JAM2: variants seen among roughly 807,000 people sequenced by gnomAD.
The protein encoded by JAM2 is junctional adhesion molecule B.
In JAM2, 17 loss-of-function variants were observed where a neutral mutation model predicts 42.0. The observed-to-expected ratio is 0.40, with a 90% CI of 0.28 to 0.61. The LOEUF (loss-of-function observed/expected upper bound fraction) is 0.61. JAM2 is among the 20% of genes least tolerant of loss of function. JAM2 has a pLI of 0.37. For synonymous variants in JAM2, 118 were observed against 128.6 expected (o/e 0.92, Z 0.56); for missense variants, 319 against 358.3 (o/e 0.89, Z 0.89).
chr21:25,680,829 AAGG>A (rs10581891), intron 1 of JAM2, among the ~76,000 whole-genome samples: 79,313 of 151,572 alleles, frequency 0.52, 20,885 homozygotes, highest in African/African-American at 0.59. Context: ...TGGGCAGAAC[AAGG>A]AGGAGGAAGA....
At chr21:25,654,880 A>G (rs1388240631) in intron 1 of JAM2, among the ~76,000 whole-genome samples, 1 of 152,162 alleles carries the variant, frequency 6.6e-6, no homozygotes, top group Non-Finnish European at 1.5e-5. Context: ...GCAACAAGTC[A>G]GTGGCATGAA....
At chr21:25,683,721 A>T (rs1369309753) in intron 1 of JAM2, among the ~76,000 whole-genome samples, 162 bp from the exon 2 acceptor site, 1 of 152,130 alleles carries the variant, frequency 6.6e-6, no homozygotes, top group Non-Finnish European at 1.5e-5. Flanking sequence ...GTATAGTTTC[A>T]TTTGCTTTTT....
intron 1 of JAM2, among the ~76,000 whole-genome samples, chr21:25,669,265 G>A (rs1443337143): frequency 2.0e-5 from 3 of 152,020 alleles, no homozygotes; most frequent in South Asian, 2.1e-4. Flanking sequence ...CCAGCTACTC[G>A]GAAGGCTGAG....
intron 3 of JAM2, among the ~76,000 whole-genome samples, chr21:25,693,296 CG>C (rs1415105974): frequency 6.7e-6 from 1 of 149,784 alleles, no homozygotes; most frequent in African/African-American, 2.5e-5. Context: ...TTCTCTCTGT[CG>C]CCCAGGTTGG....
At chr21:25,654,550 A>G (rs1202647183) in intron 1 of JAM2, among the ~76,000 whole-genome samples, 2 of 151,566 alleles carry the variant, frequency 1.3e-5, no homozygotes, top group Admixed American at 1.3e-4. Flanking sequence ...TGGGAGGCTG[A>G]GACACAAGAA....
At chr21:25,677,281 T>G (rs1202830973) in intron 1 of JAM2, among the ~76,000 whole-genome samples, 1 of 152,174 alleles carries the variant, frequency 6.6e-6, no homozygotes, top group Non-Finnish European at 1.5e-5. Context: ...CCCTTTATAA[T>G]TTTTTGCCTA....
intron 1 of JAM2, among the ~76,000 whole-genome samples, chr21:25,680,957 G>A (rs2033617758): frequency 6.6e-6 from 1 of 152,064 alleles, no homozygotes; most frequent in African/African-American, 2.4e-5. Flanking sequence ...GTCATAGAGA[G>A]GTCAGGTAAG....
intron 4 of JAM2, among the ~76,000 whole-genome samples, chr21:25,696,263 C>T (rs908086818): frequency 4.6e-5 from 7 of 152,184 alleles, no homozygotes; most frequent in Admixed American, 1.3e-4. Flanking sequence ...CGGCGCGCGC[C>T]TGCAATCCCA....
chr21:25,648,832 C>T (rs1241186190), intron 1 of JAM2, among the ~76,000 whole-genome samples: 1 of 152,144 alleles, frequency 6.6e-6, no homozygotes, highest in Non-Finnish European at 1.5e-5. Flanking sequence ...CTGCCTGGCA[C>T]ATTTAATACT....
chr21:25,686,452 ATG>A (rs71698174), intron 2 of JAM2, among the ~76,000 whole-genome samples: 36,071 of 152,088 alleles, frequency 0.24, 4,477 homozygotes, highest in South Asian at 0.31. Flanking sequence ...GTATATGTGT[ATG>A]TGTGTTTCAC....
At chr21:25,679,533 T>C (rs941415329) in intron 1 of JAM2, among the ~76,000 whole-genome samples, 1 of 152,188 alleles carries the variant, frequency 6.6e-6, no homozygotes, top group Non-Finnish European at 1.5e-5. Flanking sequence ...ATCTAGTGGG[T>C]AGAAGCCAGG....
intron 6 of JAM2, among the ~76,000 whole-genome samples, 191 bp from the exon 7 acceptor site, chr21:25,705,788 T>G (rs1273381826): frequency 6.6e-6 from 1 of 152,182 alleles, no homozygotes; most frequent in Non-Finnish European, 1.5e-5. Context: ...AAAGCTTAAG[T>G]TCTGTTAATA....
At chr21:25,660,783 T>TATATATATATATATATATATA (rs59547156) in intron 1 of JAM2, among the ~76,000 whole-genome samples, 37 of 36,324 alleles carry the variant, frequency 1.0e-3, no homozygotes, top group African/African-American at 2.8e-3. Context: ...TATATATATA[T>TATATATATATATATATATATA]TTTTTTTTTT....
intron 4 of JAM2, among the ~76,000 whole-genome samples, chr21:25,698,052 C>T (rs780558510): frequency 6.6e-6 from 1 of 151,898 alleles, no homozygotes; most frequent in Non-Finnish European, 1.5e-5. Context: ...TGGTAATAAA[C>T]CAATTGAAGA....
At chr21:25,694,978 C>CTTTTTTTTTTT in intron 4 of JAM2, among the ~76,000 whole-genome samples, 1 of 141,738 alleles carries the variant, frequency 7.1e-6, no homozygotes, top group African/African-American at 2.6e-5. Context: ...CTTTTTCTTT[C>CTTTTTTTTTTT]TTTTTTTTTT....
At position 25,698,718 on chromosome 21, in the gene JAM2, C is replaced by G. The variant is rs2034094639; in HGVS notation, c.436C>G (p.Leu146Val). The G allele has an allele frequency of 6.2e-7, 1 of 1,614,030 alleles. No individual in the cohort carries two copies. The highest frequency in any genetic ancestry group is 1.3e-5 in the African/African-American group (1 of 74,938). Residue 146 changes from leucine to valine, a missense_variant, in exon 5 of 10, where the codon CTG becomes GTG. Physicochemically the swap from Leu to Val is conservative, Grantham distance 32. Coordinates refer to ENST00000480456, the MANE Select transcript of JAM2 (RefSeq NM_021219.4). ...VPSCEVPSSA[L>V]SGTVVELRCQ... Reference sequence around the variant, plus strand: ...ATCATGTGAAGTACCCTCTTCTGCTCTGAGTGGAACTGTGGTAGAGCTACG... The same window carrying G: ...ATCATGTGAAGTACCCTCTTCTGCTGTGAGTGGAACTGTGGTAGAGCTACG...
chr21:25,641,476 C>T (rs563250509), intron 1 of JAM2, among the ~76,000 whole-genome samples: 10 of 152,088 alleles, frequency 6.6e-5, no homozygotes, highest in Non-Finnish European at 1.0e-4. Context: ...AACACATTGT[C>T]TCTGCTAAAC....
intron 1 of JAM2, among the ~76,000 whole-genome samples, chr21:25,673,999 A>C (rs183445563): frequency 1.1e-4 from 16 of 152,098 alleles, no homozygotes; most frequent in Non-Finnish European, 4.4e-5. Flanking sequence ...TTCTCTCTTG[A>C]CTGCCGCCAT....
intron 1 of JAM2, among the ~76,000 whole-genome samples, chr21:25,665,268 G>A (rs2033189173): frequency 6.6e-6 from 1 of 152,122 alleles, no homozygotes; most frequent in South Asian, 2.1e-4. Flanking sequence ...TGGTATTAAG[G>A]TTTAAAGGCA....
Sources: gnomAD v4.1 joint callset for allele counts (sites outside exome capture counted in the v4.1 genomes callset) on GRCh38, gnomAD v4.1.1 for gene constraint, MANE v1.5 for transcripts, NCBI Gene and HGNC (gene_info 2026-07-23, HGNC 2026-07-21) for gene names.